The following NEK6 variants were observed in gnomAD, a reference collection of about 807,000 sequenced individuals.
NEK6 encodes NIMA related kinase 6.
A neutral mutation model predicts 43.5 loss-of-function variants in NEK6; 27 were observed. That is an observed-to-expected ratio of 0.62 (90% confidence interval 0.46 to 0.86). The LOEUF (loss-of-function observed/expected upper bound fraction) is 0.86, where lower values mean the gene tolerates loss of function less well. Among genes scored for constraint, NEK6 ranks in the 40% least tolerant of loss-of-function variants. The pLI is 0.00. For missense variants in NEK6, 318 were observed against 414.4 expected, an observed-to-expected ratio of 0.77 and a Z score of 2.02; for synonymous variants, 167 against 164.1, an observed-to-expected ratio of 1.02 and a Z score of -0.14.
At chr9:124,281,533 C>T (rs929527425) in intron 1 of NEK6, among the ~76,000 whole-genome samples, 1 of 124,630 alleles carries the variant, frequency 8.0e-6, no homozygotes, top group African/African-American at 3.1e-5. Flanking sequence ...CAGAATCTCA[C>T]TCTGTCGCCC....
chr9:124,290,718 A>C (rs1832379551), intron 1 of NEK6, among the ~76,000 whole-genome samples: 1 of 152,186 alleles, frequency 6.6e-6, no homozygotes, highest in South Asian at 2.1e-4. Flanking sequence ...TGTGCCCTTG[A>C]TCCCACGGTG....
At chr9:124,320,190 G>C (rs1253107800) in intron 4 of NEK6, among the ~76,000 whole-genome samples, 4 of 152,230 alleles carry the variant, frequency 2.6e-5, no homozygotes, top group African/African-American at 9.6e-5. Flanking sequence ...CCTTGGTCCA[G>C]AGCAGGGGTT....
At chr9:124,311,641 C>G (rs1833531425) in intron 2 of NEK6, among the ~76,000 whole-genome samples, 1 of 152,160 alleles carries the variant, frequency 6.6e-6, no homozygotes, top group Non-Finnish European at 1.5e-5. Flanking sequence ...GGTTTCTTCA[C>G]GACACCCTAA....
rs142457912 is a variant in NEK6, at chr9:124,288,579, C to T, written c.-29-13357C>T. Among the ~76,000 whole-genome samples the T allele has an allele frequency of 1.6e-4, 25 of 152,254 alleles. No homozygotes were observed. The East Asian group carries it at 4.2e-3, about 26-fold the overall frequency. On this transcript the variant is annotated intron_variant, in intron 1 of 9. Transcript: ENST00000320246. ...GATTACAGGCGTGAGCCACCCTGCT[C>T]GGCCCAGTACCCACATTTATTAAGC...
chr9:124,289,575 T>C (rs1832318908), intron 1 of NEK6, among the ~76,000 whole-genome samples: 1 of 152,088 alleles, frequency 6.6e-6, no homozygotes, highest in Non-Finnish European at 1.5e-5. Context: ...CTACTATGCA[T>C]GAGGAAGGCA....
In NEK6 at chr9:124,292,614, A is replaced by T. The variant is rs918894029; in HGVS notation, c.-29-9322A>T. Reference sequence around the variant, plus strand: ...CTTGGTCCTTCTTCCACTGTCAGTCAGCAGGGTAGTAGCTGCGGTTCTGCT... The same window carrying T: ...CTTGGTCCTTCTTCCACTGTCAGTCTGCAGGGTAGTAGCTGCGGTTCTGCT... On this transcript the variant is annotated intron_variant, in intron 1 of 9. Coordinates refer to ENST00000320246, the MANE Select transcript of NEK6 (RefSeq NM_014397.6). 2.0e-6 allele frequency: 3 copies of T among 1,513,192 alleles called. No individual in the cohort carries two copies. The African/African-American group carries it at 4.1e-5, about 21-fold the overall frequency. 93.7% of individuals were successfully genotyped at this position (1,513,192 alleles called of 1,614,324 possible).
chr9:124,295,776 G>C (rs535630094), intron 1 of NEK6, among the ~76,000 whole-genome samples: 3 of 152,354 alleles, frequency 2.0e-5, no homozygotes, highest in Admixed American at 2.0e-4. Context: ...GTGCCTGGGC[G>C]TGGCATTCCT....
intron 1 of NEK6, among the ~76,000 whole-genome samples, chr9:124,294,678 C>A (rs1832596266): frequency 6.6e-6 from 1 of 151,920 alleles, no homozygotes; most frequent in Middle Eastern, 3.2e-3. Flanking sequence ...TGGCTGCACG[C>A]AAGGCCTGGG....
chr9:124,305,838 C>A (rs946112389), intron 2 of NEK6, among the ~76,000 whole-genome samples: 4 of 152,194 alleles, frequency 2.6e-5, no homozygotes, highest in African/African-American at 9.7e-5. Context: ...CCTGAAGGTG[C>A]ATGGCCAATC....
At chr9:124,323,606 TG>T (rs1176727934) in intron 5 of NEK6, among the ~76,000 whole-genome samples, 4 of 152,134 alleles carry the variant, frequency 2.6e-5, no homozygotes, top group Non-Finnish European at 4.4e-5. Context: ...GCCCAGACAC[TG>T]TGGCCTCTCA....
In NEK6 at chr9:124,313,975, G is replaced by C; in HGVS notation, c.284G>C (p.Gly95Ala). Residue 95 changes from glycine (G) to alanine (A), a missense_variant, in exon 4 of 10, where the codon GGC becomes GCC. By Grantham distance (60) the Gly-to-Ala change is moderately conservative (BLOSUM62 0). This residue lies in a region of NEK6 where 239 missense variants were observed against 344.4 expected (regional missense o/e 0.69). Coordinates refer to ENST00000320246, the MANE Select transcript of NEK6 (RefSeq NM_014397.6). ...AGGCAGGACTGTGTCAAGGAGATCG[G>C]CCTCTTGAAGGTGAGCACCCTGGGC... ...KARQDCVKEI[G>A]LLKQLNHPNI... 6.2e-7 allele frequency: 1 copy of C among 1,614,168 alleles called. No homozygotes were observed. Among genetic ancestry groups the C allele is most frequent in the Non-Finnish European group, 8.5e-7 (1 of 1,180,002 alleles).
At chr9:124,291,807 A>G (rs1832433785) in intron 1 of NEK6, 1 of 985,222 alleles carries the variant, frequency 1.0e-6, no homozygotes, top group Admixed American at 6.2e-5. Flanking sequence ...CCTGGTAAGC[A>G]GGGGGCTCCG....
intron 1 of NEK6, among the ~76,000 whole-genome samples, chr9:124,295,807 T>C (rs1156808399): frequency 6.6e-6 from 1 of 152,188 alleles, no homozygotes; most frequent in African/African-American, 2.4e-5. Flanking sequence ...GGGCTTGCGC[T>C]GAGTTTCTTT....
chr9:124,336,988 T>G (rs1477289117), intron 7 of NEK6, among the ~76,000 whole-genome samples: 2 of 112,318 alleles, frequency 1.8e-5, no homozygotes, highest in East Asian at 5.4e-4. Flanking sequence ...AGAGCGAGAC[T>G]CTGTCTCAAA....
chr9:124,308,354 A>G (rs941148182), intron 2 of NEK6, among the ~76,000 whole-genome samples: 1 of 152,222 alleles, frequency 6.6e-6, no homozygotes, highest in African/African-American at 2.4e-5. Flanking sequence ...AGTGAGCAAC[A>G]GAAACCAGTT....
At chr9:124,291,806 C>T in intron 1 of NEK6, 2 of 985,310 alleles carry the variant, frequency 2.0e-6, no homozygotes, top group Non-Finnish European at 1.2e-6. Context: ...CCCTGGTAAG[C>T]AGGGGGCTCC....
chr9:124,317,459 C>G (rs1381900168), intron 4 of NEK6, among the ~76,000 whole-genome samples: 1 of 152,188 alleles, frequency 6.6e-6, no homozygotes, highest in South Asian at 2.1e-4. Flanking sequence ...GTGATCCACC[C>G]GCCTCGGCCT....
intron 1 of NEK6, chr9:124,292,343 T>A: frequency 1.4e-6 from 2 of 1,460,856 alleles, no homozygotes; most frequent in Non-Finnish European, 1.8e-6. Context: ...TGCTTTCACA[T>A]TGAGTAATCC....
In NEK6 at chr9:124,343,556, AG is replaced by A. The variant is rs1215698314; in HGVS notation, c.717+3895del. Among the ~76,000 whole-genome samples, 1 of 152,112 alleles carries A rather than the reference AG, an allele frequency of 6.6e-6. No individual in the cohort carries two copies. Among genetic ancestry groups the A allele is most frequent in the South Asian group, 2.1e-4 (1 of 4,832 alleles). ...CCCTCCCCACTCCTGCAGTCCCTAA[AG>A]GGGAAGGTGAAGCAGGCGTTTCCCC... On this transcript the variant is annotated intron_variant, in intron 8 of 9. Coordinates refer to ENST00000320246, the MANE Select transcript of NEK6 (RefSeq NM_014397.6). The surrounding 1 kb of genome is among the most constrained non-coding windows in gnomAD (Gnocchi z 5.1).
Sources: allele counts gnomAD v4.1 joint callset (sites outside exome capture counted in the v4.1 genomes callset), GRCh38; gene constraint gnomAD v4.1.1; regional missense constraint gnomAD v4.1.1; non-coding constraint Gnocchi (gnomAD v3.1); transcripts MANE v1.5; gene names NCBI Gene and HGNC (gene_info 2026-07-23, HGNC 2026-07-21).